The following MPDZ variants were observed in gnomAD, a reference collection of about 807,000 sequenced individuals.
MPDZ encodes the protein multiple PDZ domain crumbs cell polarity complex component.
Under a neutral mutation model 239.1 loss-of-function variants are expected in MPDZ, and 234 were observed. The observed-to-expected ratio is 0.98, with a 90% CI of 0.88 to 1.09. MPDZ has a LOEUF of 1.09. Ranked by LOEUF, MPDZ falls within the 50% of genes least tolerant of loss-of-function variation. MPDZ has a pLI of 0.00. For missense variants in MPDZ, 3,175 were observed against 2,510.0 expected (o/e 1.26, Z -5.66); for synonymous variants, 1,048 against 881.3 (o/e 1.19, Z -3.35).
intron 19 of MPDZ, among the ~76,000 whole-genome samples, chr9:13,179,346 C>T (rs1363575870): frequency 2.0e-5 from 3 of 152,090 alleles, no homozygotes; most frequent in Non-Finnish European, 4.4e-5. Context: ...ATCATCTCCC[C>T]CATGCCTCAA....
chr9:13,169,575 C>A (rs1951522645), intron 21 of MPDZ, among the ~76,000 whole-genome samples: 2 of 152,044 alleles, frequency 1.3e-5, no homozygotes, highest in Non-Finnish European at 2.9e-5. Context: ...TTTGCAAAAG[C>A]CTCCTTCCTA....
chr9:13,115,224 C>G (rs922816463), intron 40 of MPDZ, 24 bp downstream of exon 40: 2 of 1,598,378 alleles, frequency 1.3e-6, no homozygotes, highest in African/African-American at 2.7e-5. Context: ...TTGCATCGCC[C>G]TGATGAACTC....
At chr9:13,275,090 T>C (rs1253329364) in intron 1 of MPDZ, among the ~76,000 whole-genome samples, 2 of 152,196 alleles carry the variant, frequency 1.3e-5, no homozygotes, top group African/African-American at 4.8e-5. Flanking sequence ...ACCCCAGTAA[T>C]GCTCAGACTA....
chr9:13,234,665 T>C (rs979053432), intron 3 of MPDZ, among the ~76,000 whole-genome samples: 1 of 152,180 alleles, frequency 6.6e-6, no homozygotes, highest in African/African-American at 2.4e-5. Flanking sequence ...TTTGCAACCC[T>C]AGTTTTGGTA....
chr9:13,113,877 A>G, intron 41 of MPDZ, 54 bp downstream of exon 41: 1 of 1,366,294 alleles, frequency 7.3e-7, no homozygotes, highest in Non-Finnish European at 1.0e-6. Context: ...AGACAAAAAA[A>G]TCAGTGTTGA....
chr9:13,237,943 G>A (rs1003141486), intron 3 of MPDZ, among the ~76,000 whole-genome samples: 1 of 152,106 alleles, frequency 6.6e-6, no homozygotes, highest in Non-Finnish European at 1.5e-5. Context: ...AAAATTCAAA[G>A]AGCAAGATAG....
intron 46 of MPDZ, among the ~76,000 whole-genome samples, chr9:13,108,175 G>A (rs11999713): frequency 0.12 from 17,630 of 152,042 alleles, 1,377 homozygotes; most frequent in African/African-American, 0.21. Context: ...TTTTGACACT[G>A]TAAAATTTTG....
At chr9:13,251,128 CAAAAAAAAAA>C (rs150252589) in intron 1 of MPDZ, among the ~76,000 whole-genome samples, 10 of 36,466 alleles carry the variant, frequency 2.7e-4, no homozygotes, top group Non-Finnish European at 4.4e-4. Flanking sequence ...GACTCCATCT[CAAAAAAAAAA>C]AAAAAAAAAA....
chr9:13,120,524 T>C (rs1415695851), intron 38 of MPDZ: 1 of 152,198 alleles, frequency 6.6e-6, no homozygotes, highest in East Asian at 1.9e-4. Flanking sequence ...ACCCATGTCA[T>C]ATTTCATGAG....
chr9:13,194,534 T>C (rs1955384687), intron 13 of MPDZ, among the ~76,000 whole-genome samples: 2 of 151,834 alleles, frequency 1.3e-5, no homozygotes, highest in African/African-American at 4.8e-5. Flanking sequence ...CATCACACAC[T>C]AGGGCCTGTA....
intron 10 of MPDZ, among the ~76,000 whole-genome samples, chr9:13,211,010 C>T (rs1452788887): frequency 6.6e-6 from 1 of 151,894 alleles, no homozygotes; most frequent in Non-Finnish European, 1.5e-5. Flanking sequence ...AAGGTGTGGG[C>T]AGAAAAGAAA....
At chr9:13,214,640 AG>A (rs1017584334) in intron 10 of MPDZ, among the ~76,000 whole-genome samples, 3 of 152,158 alleles carry the variant, frequency 2.0e-5, no homozygotes, top group Admixed American at 6.6e-5. Flanking sequence ...ATTACTTAGG[AG>A]AAAAAAGTAA....
chr9:13,235,258 G>A (rs563484807), intron 3 of MPDZ, among the ~76,000 whole-genome samples: 78 of 152,272 alleles, frequency 5.1e-4, no homozygotes, highest in Non-Finnish European at 7.4e-5. Context: ...ACATAAGGTA[G>A]CTCCTAGCTC....
intron 27 of MPDZ, among the ~76,000 whole-genome samples, chr9:13,142,810 T>A (rs971338310): frequency 6.6e-6 from 1 of 152,144 alleles, no homozygotes; most frequent in Non-Finnish European, 1.5e-5. Flanking sequence ...ATTCATAAAG[T>A]GTTTCCTGAA....
intron 3 of MPDZ, among the ~76,000 whole-genome samples, chr9:13,226,134 A>T (rs1163945997): frequency 6.6e-6 from 1 of 152,056 alleles, no homozygotes. Flanking sequence ...TTGGTATCAG[A>T]AGTGTGGGGC....
At chr9:13,140,315 A>C (rs1052950556) in intron 27 of MPDZ, among the ~76,000 whole-genome samples, 166 bp from the exon 28 acceptor site, 1 of 148,394 alleles carries the variant, frequency 6.7e-6, no homozygotes, top group South Asian at 2.1e-4. Flanking sequence ...TATCTAACAA[A>C]TAATGGAAAG....
chr9:13,209,337 A>T (rs1354120630), intron 10 of MPDZ, among the ~76,000 whole-genome samples: 2 of 152,200 alleles, frequency 1.3e-5, no homozygotes, highest in African/African-American at 4.8e-5. Context: ...GAGCAAACAC[A>T]GAAAACAAAA....
At chr9:13,256,892 A>T (rs1291919763) in intron 1 of MPDZ, among the ~76,000 whole-genome samples, 1 of 152,200 alleles carries the variant, frequency 6.6e-6, no homozygotes, top group African/African-American at 2.4e-5. Flanking sequence ...CAATTTATTT[A>T]AAAAACATGC....
At chr9:13,127,605 G>A (rs1006197644) in intron 32 of MPDZ, among the ~76,000 whole-genome samples, 7 of 152,198 alleles carry the variant, frequency 4.6e-5, no homozygotes, top group Admixed American at 3.3e-4. Context: ...ATACACACAA[G>A]TTAAATGTGC....
Sources: allele counts gnomAD v4.1 joint callset (sites outside exome capture counted in the v4.1 genomes callset), GRCh38; gene constraint gnomAD v4.1.1; transcripts MANE v1.5; gene names NCBI Gene and HGNC (gene_info 2026-07-23, HGNC 2026-07-21).